The following XPR1 variants were observed in gnomAD, a reference collection of about 807,000 sequenced individuals.
The protein encoded by XPR1 is solute carrier family 53 member 1.
Under a neutral mutation model 87.5 loss-of-function variants are expected in XPR1, and 28 were observed. The observed-to-expected ratio is 0.32, with a 90% CI of 0.24 to 0.44. XPR1 has a LOEUF of 0.44. Ranked by LOEUF, XPR1 falls within the 20% of genes least tolerant of loss-of-function variation. XPR1 has a pLI of 1.00. For synonymous variants in XPR1, 300 were observed against 306.1 expected (o/e 0.98, Z 0.21); for missense variants, 559 against 862.3 (o/e 0.65, Z 4.41).
intron 6 of XPR1, 28 bp downstream of exon 6, chr1:180,806,585 T>C (rs771114269): frequency 5.7e-6 from 9 of 1,591,852 alleles, no homozygotes. Context: ...GTAGTTTGTT[T>C]GGTTTCACCT....
chr1:180,732,842 G>T (rs1658602747), intron 2 of XPR1, among the ~76,000 whole-genome samples: 1 of 152,234 alleles, frequency 6.6e-6, no homozygotes. Context: ...GGAAGAATCG[G>T]ATCACACTTG....
chr1:180,696,769 G>T (rs1305751608), intron 2 of XPR1, among the ~76,000 whole-genome samples: 1 of 151,994 alleles, frequency 6.6e-6, no homozygotes, highest in East Asian at 1.9e-4. Context: ...TTGTTTTCTG[G>T]TGATGTGATA....
At chr1:180,697,625 G>T (rs1657212970) in intron 2 of XPR1, among the ~76,000 whole-genome samples, 1 of 152,032 alleles carries the variant, frequency 6.6e-6, no homozygotes, top group South Asian at 2.1e-4. Context: ...ACAGTGTCCT[G>T]TAGGTTTGGG....
intron 1 of XPR1, among the ~76,000 whole-genome samples, chr1:180,659,797 G>A (rs963872349): frequency 3.3e-5 from 5 of 150,964 alleles, no homozygotes; most frequent in Non-Finnish European, 7.4e-5. Context: ...GATTACAGGC[G>A]TGAGCCACCA....
intron 2 of XPR1, among the ~76,000 whole-genome samples, chr1:180,753,568 AAGC>A (rs1304600601): frequency 6.6e-6 from 1 of 152,104 alleles, no homozygotes; most frequent in South Asian, 2.1e-4. Flanking sequence ...AAAAAAAAAA[AAGC>A]AGTGCTGAAA....
At chr1:180,761,397 C>G (rs1050383874) in intron 2 of XPR1, among the ~76,000 whole-genome samples, 2 of 152,216 alleles carry the variant, frequency 1.3e-5, no homozygotes, top group African/African-American at 4.8e-5. Flanking sequence ...TATCCAGAAT[C>G]TACGATGAAC....
At chr1:180,863,899 T>C in intron 12 of XPR1, 25 bp downstream of exon 12, 1 of 1,546,482 alleles carries the variant, frequency 6.5e-7, no homozygotes, top group Non-Finnish European at 8.7e-7. Flanking sequence ...TGTGTTTGTT[T>C]AAAAGAACAA....
chr1:180,866,717 T>C (rs1652404009), intron 12 of XPR1, among the ~76,000 whole-genome samples: 1 of 152,170 alleles, frequency 6.6e-6, no homozygotes, highest in Admixed American at 6.5e-5. Context: ...TAATCCTCAT[T>C]AAATTTATCA....
chr1:180,648,609 C>T (rs559632723), intron 1 of XPR1, among the ~76,000 whole-genome samples: 43 of 152,236 alleles, frequency 2.8e-4, no homozygotes, highest in African/African-American at 7.9e-4. Flanking sequence ...TGGGTTCAAG[C>T]GATTCCCCTG....
intron 7 of XPR1, among the ~76,000 whole-genome samples, chr1:180,812,641 A>G (rs186831641): frequency 4.0e-4 from 60 of 148,150 alleles, no homozygotes; most frequent in Non-Finnish European, 3.3e-4. Flanking sequence ...TTGTCTAAGC[A>G]GCCATTTCTT....
At chr1:180,655,697 T>G (rs1432981116) in intron 1 of XPR1, among the ~76,000 whole-genome samples, 9 of 152,180 alleles carry the variant, frequency 5.9e-5, no homozygotes, top group Non-Finnish European at 1.0e-4. Flanking sequence ...TCCTGTGCTT[T>G]CTTTTTAGAG....
In XPR1 at chr1:180,886,116, A is replaced by G. The variant is rs1010880149; in HGVS notation, c.*2050A>G. The G allele has an allele frequency of 6.6e-6, 1 of 152,210 alleles. No individual in the cohort carries two copies. Among genetic ancestry groups the G allele is most frequent in the African/African-American group, 2.4e-5 (1 of 41,452 alleles). 9.4% of individuals were successfully genotyped at this position (152,210 alleles called of 1,614,324 possible). On this transcript the variant is annotated 3_prime_UTR_variant, in exon 15 of 15. Coordinates refer to ENST00000367590, the MANE Select transcript of XPR1 (RefSeq NM_004736.4). ...CTTTTTAGTTTAAATAAATTGAATC[A>G]TTTATAATAATCAGTGTTAACAATT...
At chr1:180,788,839 A>T (rs752060399) in intron 3 of XPR1, among the ~76,000 whole-genome samples, 5 of 152,220 alleles carry the variant, frequency 3.3e-5, no homozygotes, top group Non-Finnish European at 5.9e-5. Flanking sequence ...ACCAGGTATT[A>T]GTGTGAATTA....
intron 2 of XPR1, among the ~76,000 whole-genome samples, chr1:180,727,240 C>T (rs543700725): frequency 4.3e-4 from 66 of 152,178 alleles, no homozygotes; most frequent in African/African-American, 1.6e-3. Context: ...ATGCCTGAAG[C>T]GGTTATATTG....
chr1:180,683,374 AT>A (rs1656651983), intron 2 of XPR1, among the ~76,000 whole-genome samples: 1 of 152,076 alleles, frequency 6.6e-6, no homozygotes, highest in South Asian at 2.1e-4. Context: ...GTTGTTGGAC[AT>A]TTGGGTTGGT....
chr1:180,811,790 C>A (rs1304725341), intron 7 of XPR1, among the ~76,000 whole-genome samples: 1 of 151,994 alleles, frequency 6.6e-6, no homozygotes, highest in East Asian at 1.9e-4. Context: ...TATCAAAAAC[C>A]TTGGCTTTCT....
At chr1:180,780,683 G>A (rs1443076219) in intron 2 of XPR1, among the ~76,000 whole-genome samples, 1 of 149,388 alleles carries the variant, frequency 6.7e-6, no homozygotes, top group Non-Finnish European at 1.5e-5. Flanking sequence ...CAGGAGAATG[G>A]CGTGAACCTG....
At chr1:180,663,952 C>A (rs1475938227) in intron 1 of XPR1, among the ~76,000 whole-genome samples, 1 of 152,156 alleles carries the variant, frequency 6.6e-6, no homozygotes, top group African/African-American at 2.4e-5. Flanking sequence ...CAGGGTACCA[C>A]CAATGTGCAC....
At position 180,704,814 on chromosome 1, in the gene XPR1, G is replaced by GTTTTTTTTTTT. The variant is rs567903048; in HGVS notation, c.121+22418_121+22428dup. On this transcript the variant is annotated intron_variant, in intron 2 of 14. Transcript: ENST00000367590. ...GCCATTTTTCCAGGGACTGTTGGTT[G>GTTTTTTTTTTT]TTTTTTTTTTTTTTTTTTTTTTTTT... Among the ~76,000 whole-genome samples the GTTTTTTTTTTT allele has an allele frequency of 8.7e-4, 45 of 51,956 alleles. 7 individuals are homozygous for GTTTTTTTTTTT. The highest frequency in any genetic ancestry group is 3.8e-3 in the South Asian group (4 of 1,062). 34.1% of individuals were successfully genotyped at this position (51,956 alleles called of 152,430 possible).
Sources: allele counts gnomAD v4.1 joint callset (sites outside exome capture counted in the v4.1 genomes callset), GRCh38; gene constraint gnomAD v4.1.1; transcripts MANE v1.5; gene names NCBI Gene and HGNC (gene_info 2026-07-23, HGNC 2026-07-21).